CARS1: variants seen among roughly 807,000 people sequenced by gnomAD.
CARS1 encodes the protein cysteine--tRNA ligase, cytoplasmic.
CARS1 carries 48 observed loss-of-function variants against 106.2 expected under a neutral mutation model. That is an observed-to-expected ratio of 0.45 (90% CI 0.36 to 0.57). The LOEUF (loss-of-function observed/expected upper bound fraction) is 0.57, where lower values mean the gene tolerates loss of function less well. CARS1 is among the 20% of genes least tolerant of loss of function. The pLI is 0.00. For synonymous variants in CARS1, 409 were observed against 403.4 expected (o/e 1.01, Z -0.17); for missense variants, 968 against 1,057.2 (o/e 0.92, Z 1.17).
rs1029821492 is a variant in CARS1, at chr11:3,044,457, C to T, written c.275-2201G>A. On this transcript the variant is annotated intron_variant, in intron 2 of 22. Coordinates refer to ENST00000380525, the MANE Select transcript of CARS1 (RefSeq NM_001014437.3). The surrounding 1 kb of genome is among the most constrained non-coding windows in gnomAD (Gnocchi z 4.4). ...ATAAAATCTGGCTGAAGTGCACTGGCGCAATCTCAACTCACTGCAACCTCC... is the reference window on the plus strand; with the variant it reads ...ATAAAATCTGGCTGAAGTGCACTGGTGCAATCTCAACTCACTGCAACCTCC... Among the ~76,000 whole-genome samples the T allele has an allele frequency of 2.6e-5, 4 of 151,702 alleles. No homozygotes were observed. The highest frequency in any genetic ancestry group is 1.9e-4 in the East Asian group (1 of 5,182).
rs555862219 is a variant in CARS1, at chr11:3,043,862, G to A, written c.275-1606C>T. The stretch of plus-strand genomic sequence containing the variant: ...GCAGGTGGGAGATGGGGCAGGAGAC[G>A]GAGAGAGGGCCAGTGCTCAGCAGGA... On this transcript the variant is annotated intron_variant, in intron 2 of 22. Coordinates refer to ENST00000380525, the MANE Select transcript of CARS1 (RefSeq NM_001014437.3). This position sits in a 1 kb window ranked among gnomAD's most constrained non-coding sequence, Gnocchi z 4.0. Among the ~76,000 whole-genome samples the A allele has an allele frequency of 5.9e-5, 9 of 152,248 alleles. No homozygotes were observed. The highest frequency in any genetic ancestry group is 2.0e-4 in the Admixed American group (3 of 15,294).
At chr11:3,005,751 G>C (rs1849803245) in intron 19 of CARS1, among the ~76,000 whole-genome samples, 2 of 151,264 alleles carry the variant, frequency 1.3e-5, no homozygotes, top group Admixed American at 6.6e-5. Context: ...TCGTGTCTCA[G>C]CTGCCCAAGG....
chr11:3,017,875 T>A lies in CARS1; in HGVS notation c.1709A>T (p.Glu570Val). The A allele has an allele frequency of 1.2e-6, 2 of 1,612,334 alleles. No homozygotes were observed. Among genetic ancestry groups the A allele is most frequent in the South Asian group, 1.1e-5 (1 of 91,016 alleles). ...ACCTTACTTCTTATTCAGTTCTGCT[T>A]CTTCTTCTCCCCACTTCTCAAACTG... is the stretch of plus-strand genomic sequence containing the variant. ...TGQFEKWGEE[E>V]AELNKNFYDK... Residue 570 changes from glutamate (E) to valine (V), a missense_variant, in exon 15 of 23, where the codon GAA becomes GTA. By Grantham distance (121) the Glu-to-Val change is moderately radical (BLOSUM62 -2). Transcript: ENST00000380525. This position sits in a 1 kb window ranked among gnomAD's most constrained non-coding sequence, Gnocchi z 4.9.
intron 17 of CARS1, among the ~76,000 whole-genome samples, chr11:3,012,751 C>T (rs1448875623): frequency 6.6e-6 from 1 of 152,216 alleles, no homozygotes; most frequent in Non-Finnish European, 1.5e-5. Flanking sequence ...CACACATACA[C>T]TTGTTTAAGA....
chr11:3,049,523 T>C lies in CARS1; in HGVS notation c.26-1522A>G, dbSNP rs140499499. Reference sequence around the variant, plus strand: ...TGGCCAGAGGAGGGAGTCTGGTCCCTGAGCCCATGAGCACAGGTGCATCCA... The same window carrying C: ...TGGCCAGAGGAGGGAGTCTGGTCCCCGAGCCCATGAGCACAGGTGCATCCA... On this transcript the variant is annotated intron_variant, in intron 1 of 22. Transcript: ENST00000380525. Among the ~76,000 whole-genome samples the C allele has an allele frequency of 8.5e-5, 13 of 152,362 alleles. No homozygotes were observed. The East Asian group carries it at 2.5e-3, about 29-fold the overall frequency.
rs565605814 is a variant in CARS1, at chr11:3,046,963, G to C, written c.274+790C>G. On this transcript the variant is annotated intron_variant, in intron 2 of 22. Transcript: ENST00000380525. This position sits in a 1 kb window ranked among gnomAD's most constrained non-coding sequence, Gnocchi z 5.8. ...AGACATCATCTCAAAGAGAAAAAATGACTTATTTCTGATTTTTAAAAAGTT... is the reference window on the plus strand; with the variant it reads ...AGACATCATCTCAAAGAGAAAAAATCACTTATTTCTGATTTTTAAAAAGTT... 7.0e-4 allele frequency among the ~76,000 whole-genome samples: 106 copies of C among 152,238 alleles called. No individual in the cohort carries two copies. Among genetic ancestry groups the C allele is most frequent in the African/African-American group, 2.5e-3 (104 of 41,556 alleles).
intron 21 of CARS1, 139 bp downstream of exon 21, chr11:3,002,402 G>A (rs1849474589): frequency 6.8e-7 from 1 of 1,476,264 alleles, no homozygotes; most frequent in Admixed American, 2.2e-5. Context: ...TTGGGTGGTG[G>A]AGGCAGAAAG....
chr11:3,031,768 G>C (rs953357727), intron 7 of CARS1, among the ~76,000 whole-genome samples: 5 of 152,152 alleles, frequency 3.3e-5, no homozygotes, highest in Non-Finnish European at 7.4e-5. Context: ...AACCAGGACT[G>C]TAACAGAGAT....
intron 2 of CARS1, chr11:3,042,471 C>T: frequency 1.8e-6 from 1 of 545,856 alleles, no homozygotes; most frequent in African/African-American, 1.9e-5. Context: ...GTCGCCCAGG[C>T]CAGAGTGCAG....
Position 3,022,699 on chromosome 11 carries a change from T to C in CARS1, c.1154-2367A>G, listed in dbSNP as rs1465861947. Among the ~76,000 whole-genome samples, 1 of 152,216 alleles carries C rather than the reference T, an allele frequency of 6.6e-6. No homozygotes were observed. Among genetic ancestry groups the C allele is most frequent in the Non-Finnish European group, 1.5e-5 (1 of 68,034 alleles). On this transcript the variant is annotated intron_variant, in intron 10 of 22. Coordinates refer to ENST00000380525, the MANE Select transcript of CARS1 (RefSeq NM_001014437.3). This position sits in a 1 kb window ranked among gnomAD's most constrained non-coding sequence, Gnocchi z 4.9. Reference sequence around the variant, plus strand: ...ACAACAGGGTCCTGTTCTCTCCCACTGGGGGAGCTTCCTCCCTGCACTAGG... The same window carrying C: ...ACAACAGGGTCCTGTTCTCTCCCACCGGGGGAGCTTCCTCCCTGCACTAGG...
intron 1 of CARS1, chr11:3,055,019 T>C: frequency 1.4e-6 from 1 of 700,512 alleles, no homozygotes; most frequent in Non-Finnish European, 2.6e-6. Flanking sequence ...CCTATGCACC[T>C]TCAAGACCGC....
rs909533602 is a variant in CARS1, at chr11:3,017,417, C to A, written c.1728-122G>T. The stretch of plus-strand genomic sequence containing the variant: ...CAGCACTTTGGGAGGCTGAGGTGGG[C>A]GGATCACCTGAGGTCGGGAGTTCGA... On this transcript the variant is annotated intron_variant, in intron 15 of 22. Coordinates refer to ENST00000380525, the MANE Select transcript of CARS1 (RefSeq NM_001014437.3). The surrounding 1 kb of genome is among the most constrained non-coding windows in gnomAD (Gnocchi z 4.9). 5 of 802,148 alleles carry A rather than the reference C, an allele frequency of 6.2e-6. No individual in the cohort carries two copies. In the East Asian group the frequency reaches 7.6e-5, roughly 12 times the overall value. The allele number at this position is 802,148 out of a possible 1,614,324, so 49.7% of individuals were successfully genotyped here. A position where few individuals can be genotyped will look rare whatever the true frequency, so the allele number is the denominator to read the frequency against.
intron 18 of CARS1, among the ~76,000 whole-genome samples, chr11:3,011,785 C>T (rs1400169170): frequency 6.6e-6 from 1 of 152,232 alleles, no homozygotes; most frequent in African/African-American, 2.4e-5. Flanking sequence ...CCTCAGCGCA[C>T]CCAGCCTACC....
At chr11:3,047,632 C>G in intron 2 of CARS1, 121 bp downstream of exon 2, 1 of 1,353,876 alleles carries the variant, frequency 7.4e-7, no homozygotes, top group Admixed American at 2.3e-5. Context: ...GCTCGAGACA[C>G]ACTTGGGCGA....
intron 7 of CARS1, among the ~76,000 whole-genome samples, chr11:3,032,237 T>A (rs1161592313): frequency 6.6e-6 from 1 of 152,030 alleles, no homozygotes; most frequent in Non-Finnish European, 1.5e-5. Flanking sequence ...CACGCCCAGC[T>A]AATGTTTGCA....
intron 1 of CARS1, among the ~76,000 whole-genome samples, chr11:3,054,036 AC>A (rs2134323782): frequency 6.6e-6 from 1 of 152,190 alleles, no homozygotes; most frequent in South Asian, 2.1e-4. Context: ...CAGAAAGGGG[AC>A]CGGAAAAAGC....
In CARS1 at chr11:3,044,423, T is replaced by G. The variant is rs1385247913; in HGVS notation, c.275-2167A>C. ...CATAAGGACCCTTGCCCCCCTTTTT[T>G]TTTTTTAGATAAAATCTGGCTGAAG... On this transcript the variant is annotated intron_variant, in intron 2 of 22. Transcript: ENST00000380525. This position sits in a 1 kb window ranked among gnomAD's most constrained non-coding sequence, Gnocchi z 4.4. 6.6e-6 allele frequency among the ~76,000 whole-genome samples: 1 copy of G among 152,102 alleles called. No individual in the cohort carries two copies.
chr11:3,017,441 G>A lies in CARS1; in HGVS notation c.1728-146C>T, dbSNP rs950210049. 108 of 645,622 alleles carry A rather than the reference G, an allele frequency of 1.7e-4. No individual in the cohort carries two copies. The highest frequency in any genetic ancestry group is 6.7e-4 in the African/African-American group (37 of 55,040). 40.0% of individuals were successfully genotyped at this position (645,622 alleles called of 1,614,324 possible). ...GCGGATCACCTGAGGTCGGGAGTTC[G>A]AGACCAGCCTGACAAACATGGAGAG... On this transcript the variant is annotated intron_variant, in intron 15 of 22. Coordinates refer to ENST00000380525, the MANE Select transcript of CARS1 (RefSeq NM_001014437.3). The surrounding 1 kb of genome is among the most constrained non-coding windows in gnomAD (Gnocchi z 4.9).
rs1853314743 is a variant in CARS1 at position 3,034,421 on chromosome 11, A to C, written c.801+3629T>G. Among the ~76,000 whole-genome samples, 1 of 151,978 alleles carries C rather than the reference A, an allele frequency of 6.6e-6. No individual in the cohort carries two copies. The highest frequency in any genetic ancestry group is 1.5e-5 in the Non-Finnish European group (1 of 68,008). On this transcript the variant is annotated intron_variant, in intron 7 of 22. Coordinates refer to ENST00000380525, the MANE Select transcript of CARS1 (RefSeq NM_001014437.3). The surrounding 1 kb of genome is among the most constrained non-coding windows in gnomAD (Gnocchi z 6.3). ...TTTTTAGTAGCAACGGGGTTTTGCCATGTTGGCCAGGCTGGTCTCAAACCC... is the reference window on the plus strand; with the variant it reads ...TTTTTAGTAGCAACGGGGTTTTGCCCTGTTGGCCAGGCTGGTCTCAAACCC...
Sources: allele counts gnomAD v4.1 joint callset (sites outside exome capture counted in the v4.1 genomes callset), GRCh38; gene constraint gnomAD v4.1.1; non-coding constraint Gnocchi (gnomAD v3.1); transcripts MANE v1.5; gene names NCBI Gene and HGNC (gene_info 2026-07-23, HGNC 2026-07-21).